The following NRG1 variants were observed in gnomAD, a reference collection of about 807,000 sequenced individuals.
NRG1 encodes the protein neuregulin 1, also known as pro-neuregulin-1, membrane-bound isoform.
Under a neutral mutation model 63.8 loss-of-function variants are expected in NRG1, and 18 were observed. The observed-to-expected ratio is 0.28, with a 90% CI of 0.19 to 0.42. NRG1 has a LOEUF of 0.42. Ranked by LOEUF, NRG1 falls within the 10% of genes least tolerant of loss-of-function variation. NRG1 has a pLI of 1.00. For missense variants in NRG1, 762 were observed against 814.7 expected, an observed-to-expected ratio of 0.94 and a Z score of 0.79; for synonymous variants, 302 against 301.3, an observed-to-expected ratio of 1.00 and a Z score of -0.02.
chr8:31,659,668 C>G (rs1805779906), intron 1 of NRG1, among the ~76,000 whole-genome samples: 1 of 152,162 alleles, frequency 6.6e-6, no homozygotes, highest in African/African-American at 2.4e-5. Context: ...CCAGACTCCA[C>G]TTTCTTAACT....
intron 1 of NRG1, among the ~76,000 whole-genome samples, chr8:32,584,967 A>G (rs1841353217): frequency 6.6e-6 from 1 of 152,232 alleles, no homozygotes; most frequent in Non-Finnish European, 1.5e-5. Flanking sequence ...TTTTAGTGGC[A>G]TGAATTAAAT....
At chr8:32,627,035 A>G (rs992526474) in intron 5 of NRG1, among the ~76,000 whole-genome samples, 11 of 150,948 alleles carry the variant, frequency 7.3e-5, no homozygotes, top group Non-Finnish European at 1.6e-4. Context: ...AATAAAAATA[A>G]AAAAGGAAAA....
At chr8:32,640,985 A>G (rs1852281446) in intron 5 of NRG1, among the ~76,000 whole-genome samples, 1 of 151,600 alleles carries the variant, frequency 6.6e-6, no homozygotes, top group African/African-American at 2.4e-5. Context: ...ATAATAGTTC[A>G]AAAATAAGTT....
intron 5 of NRG1, among the ~76,000 whole-genome samples, chr8:32,706,179 C>T (rs1322557527): frequency 6.6e-6 from 1 of 152,180 alleles, no homozygotes; most frequent in Non-Finnish European, 1.5e-5. Context: ...GAGCTGATAG[C>T]AGTGTAGTAG....
chr8:31,885,851 G>A (rs1317539489), intron 1 of NRG1, among the ~76,000 whole-genome samples: 1 of 152,042 alleles, frequency 6.6e-6, no homozygotes, highest in Non-Finnish European at 1.5e-5. Flanking sequence ...CCATGGTCTT[G>A]AATTTCTGAG....
At chr8:32,756,264 T>C (rs984857214) in intron 8 of NRG1, 139 bp from the exon 9 acceptor site, 11 of 855,846 alleles carry the variant, frequency 1.3e-5, no homozygotes, top group Non-Finnish European at 1.6e-5. Flanking sequence ...TGGGATACAG[T>C]GGACATACTC....
intron 1 of NRG1, among the ~76,000 whole-genome samples, chr8:32,151,774 C>A (rs796568827): frequency 2.6e-5 from 4 of 152,226 alleles, no homozygotes; most frequent in African/African-American, 9.6e-5. Context: ...TCTCTGGCCC[C>A]ATACTTTAAT....
chr8:32,492,302 TAG>T (rs1444766200), intron 1 of NRG1, among the ~76,000 whole-genome samples: 1 of 152,198 alleles, frequency 6.6e-6, no homozygotes, highest in African/African-American at 2.4e-5. Context: ...GAGTTCTTGA[TAG>T]ATTTACTTTC....
rs190720897 is a variant in NRG1 at position 32,355,277 on chromosome 8, G to A, written c.38-240551G>A. Among the ~76,000 whole-genome samples the A allele has an allele frequency of 1.6e-3, 251 of 152,168 alleles. 2 individuals carry two copies. Among genetic ancestry groups the A allele is most frequent in the African/African-American group, 5.8e-3 (241 of 41,522 alleles). On this transcript the variant is annotated intron_variant, in intron 1 of 10. Transcript: ENST00000519301. ...AGTTCAAAACCAGCCTGGGCAACGT[G>A]ATGAAACCCCATCTCTACTAAAATA...
At chr8:32,555,708 T>G (rs979297767) in intron 1 of NRG1, among the ~76,000 whole-genome samples, 4 of 152,172 alleles carry the variant, frequency 2.6e-5, no homozygotes, top group African/African-American at 9.6e-5. Context: ...CCTGACCTCG[T>G]GATCCGCCCG....
intron 1 of NRG1, among the ~76,000 whole-genome samples, chr8:32,464,574 G>T (rs1190355611): frequency 6.6e-6 from 1 of 152,114 alleles, no homozygotes; most frequent in East Asian, 1.9e-4. Context: ...TTTTCACTTA[G>T]AAAATGTATG....
At chr8:32,012,317 T>C (rs963403496) in intron 1 of NRG1, among the ~76,000 whole-genome samples, 2 of 152,082 alleles carry the variant, frequency 1.3e-5, no homozygotes, top group Non-Finnish European at 2.9e-5. Context: ...AGTTAATCTT[T>C]GTAGAGAGAA....
At chr8:32,267,165 GAA>G (rs1283763058) in intron 1 of NRG1, among the ~76,000 whole-genome samples, 2 of 143,838 alleles carry the variant, frequency 1.4e-5, no homozygotes, top group Non-Finnish European at 3.0e-5. Context: ...GAAGGAAGGA[GAA>G]AGAAGGAAGG....
At chr8:31,915,715 G>A (rs1833326542) in intron 1 of NRG1, among the ~76,000 whole-genome samples, 1 of 151,990 alleles carries the variant, frequency 6.6e-6, no homozygotes, top group South Asian at 2.1e-4. Context: ...ATCCAAAGAG[G>A]CCATTAGTAC....
At chr8:32,514,630 CA>C (rs145710940) in intron 1 of NRG1, among the ~76,000 whole-genome samples, 5,189 of 151,990 alleles carry the variant, frequency 0.034, 116 homozygotes, top group African/African-American at 0.06. Context: ...GTTTTTAATA[CA>C]AAAACATCAT....
At chr8:32,326,879 T>C (rs1802086727) in intron 1 of NRG1, among the ~76,000 whole-genome samples, 1 of 152,186 alleles carries the variant, frequency 6.6e-6, no homozygotes, top group Admixed American at 6.5e-5. Flanking sequence ...AAAAAACCTA[T>C]GCTCAAGCAA....
intron 5 of NRG1, among the ~76,000 whole-genome samples, chr8:32,698,582 GAAGA>G (rs1813996823): frequency 6.6e-6 from 1 of 152,188 alleles, no homozygotes; most frequent in East Asian, 1.9e-4. Flanking sequence ...TCACGGGAAG[GAAGA>G]AAGACCAAAT....
At chr8:32,020,062 T>C (rs1254933843) in intron 1 of NRG1, among the ~76,000 whole-genome samples, 1 of 152,200 alleles carries the variant, frequency 6.6e-6, no homozygotes, top group Non-Finnish European at 1.5e-5. Context: ...TTTTGAATGC[T>C]ATTGCATTAA....
intron 5 of NRG1, chr8:32,647,346 G>T (rs781258378): frequency 6.1e-6 from 6 of 985,348 alleles, no homozygotes; most frequent in Non-Finnish European, 7.2e-6. Context: ...TCAGATGCTC[G>T]AGGTGAGAAA....
Sources: allele counts gnomAD v4.1 joint callset (sites outside exome capture counted in the v4.1 genomes callset), GRCh38; gene constraint gnomAD v4.1.1; transcripts MANE v1.5; gene names NCBI Gene and HGNC (gene_info 2026-07-23, HGNC 2026-07-21).